Variants in FBN2 observed in about 807,000 individuals in gnomAD.
FBN2 encodes fibrillin-2.
A neutral mutation model predicts 355.6 loss-of-function variants in FBN2; 105 were observed. The ratio of observed to expected loss-of-function variants is 0.30; its 90% CI spans 0.25 to 0.35. FBN2 has a LOEUF of 0.35. Among genes scored for constraint, FBN2 ranks in the 10% least tolerant of loss-of-function variants. The pLI, the probability that FBN2 is intolerant of heterozygous loss-of-function variation, is 1.00. For synonymous variants in FBN2, 1,350 were observed against 1,301.2 expected, an observed-to-expected ratio of 1.04 and a Z score of -0.81; for missense variants, 3,280 against 3,758.7, an observed-to-expected ratio of 0.87 and a Z score of 3.33.
At chr5:128,528,076 A>T in intron 3 of FBN2, 109 bp from the exon 4 acceptor site, 1 of 749,622 alleles carries the variant, frequency 1.3e-6, no homozygotes, top group South Asian at 1.5e-5. Flanking sequence ...TGACAATTAT[A>T]TCTTACAGAA....
At chr5:128,466,605 G>A (rs936884214) in intron 5 of FBN2, among the ~76,000 whole-genome samples, 8 of 152,264 alleles carry the variant, frequency 5.3e-5, no homozygotes, top group African/African-American at 1.4e-4. Flanking sequence ...GGCTGTCTCC[G>A]ACAGAAGCAA....
intron 5 of FBN2, among the ~76,000 whole-genome samples, chr5:128,493,315 T>C (rs1368971278): frequency 6.6e-6 from 1 of 152,012 alleles, no homozygotes; most frequent in Non-Finnish European, 1.5e-5. Context: ...AAACAAAAAA[T>C]CAGTTTACTG....
At chr5:128,393,078 T>G in intron 10 of FBN2, 57 bp downstream of exon 10, 1 of 1,314,104 alleles carries the variant, frequency 7.6e-7, no homozygotes, top group Non-Finnish European at 1.1e-6. Context: ...ATGTTAGATA[T>G]TATAATGTCA....
At chr5:128,289,306 G>A in intron 51 of FBN2, 54 bp from the exon 52 acceptor site, 2 of 1,592,486 alleles carry the variant, frequency 1.3e-6, no homozygotes, top group Non-Finnish European at 1.7e-6. Context: ...ATGCCGGCCA[G>A]GCGCAGTGGC....
chr5:128,407,795 A>T (rs1336588184), intron 8 of FBN2, among the ~76,000 whole-genome samples: 1 of 152,176 alleles, frequency 6.6e-6, no homozygotes, highest in Non-Finnish European at 1.5e-5. Context: ...TCTCTTGGGC[A>T]CATGAGAATC....
Position 128,259,300 on chromosome 5 carries a change from C to T in FBN2, c.*155G>A. 1 of 988,080 alleles carries T rather than the reference C, an allele frequency of 1.0e-6. No individual in the cohort carries two copies. The highest frequency in any genetic ancestry group is 1.6e-6 in the Non-Finnish European group (1 of 633,420). 61.2% of individuals were successfully genotyped at this position (988,080 alleles called of 1,614,324 possible). A position where few individuals can be genotyped will look rare whatever the true frequency, so the allele number is the denominator to read the frequency against. On this transcript the variant is annotated 3_prime_UTR_variant, in exon 65 of 65. Transcript: ENST00000262464. The stretch of plus-strand genomic sequence containing the variant: ...GGCCATACCAGAGTCTAAATTATCC[C>T]TCCCTGTGAGGGTCAACATTCAAAG...
chr5:128,485,082 G>T (rs1432040842), intron 5 of FBN2, among the ~76,000 whole-genome samples: 4 of 151,522 alleles, frequency 2.6e-5, no homozygotes, highest in African/African-American at 9.7e-5. Flanking sequence ...TGAGTGCAAT[G>T]CAACGAACAG....
chr5:128,266,446 G>A (rs1765115188), intron 62 of FBN2, among the ~76,000 whole-genome samples: 1 of 152,174 alleles, frequency 6.6e-6, no homozygotes, highest in Non-Finnish European at 1.5e-5. Context: ...TCCATTGCGA[G>A]CTCCTTTGGG....
intron 19 of FBN2, 116 bp downstream of exon 19, chr5:128,361,606 TA>T: frequency 7.7e-7 from 1 of 1,305,564 alleles, no homozygotes; most frequent in Non-Finnish European, 1.1e-6. Flanking sequence ...AATGAGATTA[TA>T]AAATAAAATA....
chr5:128,520,179 G>A (rs944980463), intron 4 of FBN2, among the ~76,000 whole-genome samples: 1 of 152,122 alleles, frequency 6.6e-6, no homozygotes, highest in African/African-American at 2.4e-5. Context: ...ATGAGCCCAA[G>A]AGGGAGCCAG....
chr5:128,508,639 T>C (rs749135219), intron 5 of FBN2, among the ~76,000 whole-genome samples: 3 of 152,056 alleles, frequency 2.0e-5, no homozygotes, highest in Non-Finnish European at 4.4e-5. Flanking sequence ...AGGAAAAGTA[T>C]TATATATTTA....
intron 5 of FBN2, among the ~76,000 whole-genome samples, chr5:128,476,503 AG>A (rs1755008560): frequency 6.6e-6 from 1 of 152,250 alleles, no homozygotes; most frequent in East Asian, 1.9e-4. Flanking sequence ...GAATTCCAAA[AG>A]GTAATTCCAA....
chr5:128,505,470 C>T (rs1755930511), intron 5 of FBN2, among the ~76,000 whole-genome samples: 1 of 152,060 alleles, frequency 6.6e-6, no homozygotes, highest in Admixed American at 6.6e-5. Flanking sequence ...AACAGCTTTC[C>T]CGAGGTATAA....
At chr5:128,355,350 A>G (rs1440539089) in intron 20 of FBN2, among the ~76,000 whole-genome samples, 2 of 152,230 alleles carry the variant, frequency 1.3e-5, no homozygotes, top group African/African-American at 4.8e-5. Flanking sequence ...AATGCAGGAA[A>G]TATTAATCAA....
At chr5:128,525,375 T>A (rs1756535870) in intron 4 of FBN2, among the ~76,000 whole-genome samples, 1 of 152,166 alleles carries the variant, frequency 6.6e-6, no homozygotes, top group African/African-American at 2.4e-5. Context: ...TTATGAATAC[T>A]GTGTTCGTGA....
At chr5:128,516,583 T>C (rs1756287146) in intron 5 of FBN2, among the ~76,000 whole-genome samples, 1 of 152,208 alleles carries the variant, frequency 6.6e-6, no homozygotes, top group Admixed American at 6.5e-5. Flanking sequence ...TGTTTTATCA[T>C]ATGACTGATC....
At chr5:128,333,804 T>A (rs1750757088) in intron 31 of FBN2, among the ~76,000 whole-genome samples, 1 of 150,488 alleles carries the variant, frequency 6.6e-6, no homozygotes, top group Non-Finnish European at 1.5e-5. Flanking sequence ...ATGTGTTCTA[T>A]CTAGTTCAAC....
chr5:128,319,450 G>A (rs913271979), intron 34 of FBN2, among the ~76,000 whole-genome samples: 2 of 149,316 alleles, frequency 1.3e-5, no homozygotes, highest in African/African-American at 4.9e-5. Flanking sequence ...TTTAAATATT[G>A]GAGATATTAA....
intron 42 of FBN2, 141 bp from the exon 43 acceptor site, chr5:128,306,089 A>T (rs946121104): frequency 1.1e-5 from 9 of 794,912 alleles, no homozygotes; most frequent in East Asian, 8.1e-5. Flanking sequence ...AGTATAGCTA[A>T]TTTTTTTGGT....
Sources: gnomAD v4.1 joint callset for allele counts (sites outside exome capture counted in the v4.1 genomes callset) on GRCh38, gnomAD v4.1.1 for gene constraint, MANE v1.5 for transcripts, NCBI Gene and HGNC (gene_info 2026-07-23, HGNC 2026-07-21) for gene names.